The following SUCO variants were observed in gnomAD, a reference collection of about 807,000 sequenced individuals.
SUCO encodes the protein SUN domain containing ossification factor.
A neutral mutation model predicts 148.1 loss-of-function variants in SUCO; 57 were observed. The observed-to-expected ratio is 0.38, with a 90% CI of 0.31 to 0.48. The LOEUF (loss-of-function observed/expected upper bound fraction) is 0.48. Ranked by LOEUF, SUCO falls within the 20% of genes least tolerant of loss-of-function variation. SUCO has a pLI of 0.96. For synonymous variants in SUCO, 470 were observed against 502.7 expected, an observed-to-expected ratio of 0.93 and a Z score of 0.87; for missense variants, 1,331 against 1,468.2, an observed-to-expected ratio of 0.91 and a Z score of 1.53.
At chr1:172,589,964 C>G (rs974532588) in intron 18 of SUCO, 38 bp downstream of exon 18, 6 of 1,466,256 alleles carry the variant, frequency 4.1e-6, no homozygotes. Context: ...CAGCTTCACA[C>G]AGTGAGTTAA....
In SUCO at chr1:172,577,775, A is replaced by G. The variant is rs1231046025; in HGVS notation, c.1296A>G (p.Leu432=). The part of the protein sequence containing the change: ...MFIKYIKVEL[L]SHFGSEHFCP... ...CTTTTATTCTTTAGGTTGAGTTGCT[A>G]TCACATTTTGGATCAGAGCACTTTT... Residue 432 remains leucine (L), a synonymous_variant, in exon 13 of 24, where the codon CTA becomes CTG. Transcript: ENST00000263688. 7.4e-6 allele frequency: 12 copies of G among 1,611,932 alleles called. No homozygotes were observed. The South Asian group carries it at 7.7e-5, about 10-fold the overall frequency.
intron 4 of SUCO, chr1:172,556,468 A>T: frequency 7.1e-6 from 2 of 282,524 alleles, no homozygotes; most frequent in Non-Finnish European, 1.1e-5. Flanking sequence ...GTTTAGGTTT[A>T]AGTGATCCTT....
At chr1:172,582,242 A>G (rs1655928413) in intron 15 of SUCO, among the ~76,000 whole-genome samples, 1 of 152,142 alleles carries the variant, frequency 6.6e-6, no homozygotes, top group African/African-American at 2.4e-5. Context: ...TTTTTGTGGA[A>G]AAAAAGTAGA....
chr1:172,582,270 T>A (rs1655929274), intron 15 of SUCO, among the ~76,000 whole-genome samples: 1 of 152,184 alleles, frequency 6.6e-6, no homozygotes, highest in Non-Finnish European at 1.5e-5. Context: ...AGGACCATTT[T>A]CCTAGAAAAT....
At chr1:172,608,566 C>T in intron 22 of SUCO, 181 bp from the exon 23 acceptor site, 6 of 609,416 alleles carry the variant, frequency 9.8e-6, no homozygotes, top group Non-Finnish European at 1.5e-5. Context: ...TCCACCTTGC[C>T]TCTTTTTGCT....
At chr1:172,592,820 A>G (rs1362892410) in intron 19 of SUCO, among the ~76,000 whole-genome samples, 1 of 152,172 alleles carries the variant, frequency 6.6e-6, no homozygotes, top group Non-Finnish European at 1.5e-5. Flanking sequence ...AAAGAAAGTC[A>G]TTGGTGGCTT....
chr1:172,600,083 C>A lies in SUCO; in HGVS notation c.2933C>A (p.Ala978Asp). Residue 978 changes from alanine (A) to aspartate (D), a missense_variant, in exon 20 of 24, where the codon GCC (alanine) becomes GAC (aspartate). Physicochemically the swap from Ala to Asp is moderately radical, Grantham distance 126. Around this residue, in one of 3 missense-constraint regions of SUCO, gnomAD observed 334 missense variants for 352.3 expected, o/e 0.95. Transcript: ENST00000263688. The part of the protein sequence containing the change: ...AEEQDQRQTE[A>D]IQLLQAQLTN... ...TCATAGGATCAGCGGCAAACTGAAG[C>A]CATCCAGTTGCTACAGGCACAGCTG... is the stretch of plus-strand genomic sequence containing the variant. The A allele has an allele frequency of 6.2e-7, 1 of 1,604,006 alleles. No individual in the cohort carries two copies. Among genetic ancestry groups the A allele is most frequent in the Non-Finnish European group, 8.5e-7 (1 of 1,177,278 alleles).
rs1159948572 is a variant in SUCO at position 172,556,674 on chromosome 1, A to AG, written c.444-606_444-605insG. 6.1e-6 allele frequency: 6 copies of AG among 984,888 alleles called. No homozygotes were observed. The African/African-American group carries it at 1.0e-4, about 17-fold the overall frequency. 61.0% of individuals were successfully genotyped at this position (984,888 alleles called of 1,614,324 possible). ...CTGGGTTGAAGGAGTTGCACAAGAT[A>AG]TTATGGTTACCATTTAGAAGCTTGT... On this transcript the variant is annotated intron_variant, in intron 4 of 23. Transcript: ENST00000263688.
intron 10 of SUCO, 106 bp from the exon 11 acceptor site, chr1:172,575,412 C>G: frequency 1.5e-6 from 1 of 683,280 alleles, no homozygotes; most frequent in East Asian, 2.8e-5. Context: ...GTTAAGTCAG[C>G]GTGTTCACCT....
Position 172,570,033 on chromosome 1 carries a change from C to A in SUCO, c.857-14C>A. On this transcript the variant is annotated splice_polypyrimidine_tract_variant and intron_variant, in intron 7 of 23. Coordinates refer to ENST00000263688, the MANE Select transcript of SUCO (RefSeq NM_014283.5). ...ATATATATATAAATATTTATAATAA[C>A]GGTTTGTCTGCAGGTCAGTCGATGC... is the stretch of plus-strand genomic sequence containing the variant. 1 of 1,401,374 alleles carries A rather than the reference C, an allele frequency of 7.1e-7. No individual in the cohort carries two copies. The highest frequency in any genetic ancestry group is 9.3e-7 in the Non-Finnish European group (1 of 1,071,022). The allele number at this position is 1,401,374 out of a possible 1,614,324, so 86.8% of individuals were successfully genotyped here.
intron 19 of SUCO, 96 bp from the exon 20 acceptor site, chr1:172,599,968 A>G (rs189604390): frequency 3.6e-6 from 3 of 828,114 alleles, no homozygotes; most frequent in South Asian, 2.1e-5. Context: ...TTGTTTTGGA[A>G]TAACTTAATG....
Position 172,588,996 on chromosome 1 carries a change from A to G in SUCO, c.1895A>G (p.Tyr632Cys). Residue 632 changes from tyrosine (Y) to cysteine (C), a missense_variant, in exon 18 of 24, where the codon TAC (tyrosine) becomes TGC (cysteine). Physicochemically the swap from Tyr to Cys is radical, Grantham distance 194 (BLOSUM62 -2). Transcript: ENST00000263688. The stretch of plus-strand genomic sequence containing the variant: ...TGTTGTATTTCTAGTTTTTCAGAAT[A>G]CATATATAAATGGTGTTCAGTTAGA... ...TICCISSFSE[Y>C]IYKWCSVRVA... 6.2e-7 allele frequency: 1 copy of G among 1,612,070 alleles called. No individual in the cohort carries two copies. Among genetic ancestry groups the G allele is most frequent in the Non-Finnish European group, 8.5e-7 (1 of 1,179,102 alleles).
chr1:172,590,022 C>T (rs1043636034), intron 18 of SUCO, 96 bp downstream of exon 18: 1 of 1,066,162 alleles, frequency 9.4e-7, no homozygotes, highest in Non-Finnish European at 1.3e-6. Context: ...TTAATTATCT[C>T]ATGATATAAT....
At chr1:172,591,128 G>T in intron 19 of SUCO, 57 bp downstream of exon 19, 1 of 1,292,066 alleles carries the variant, frequency 7.7e-7, no homozygotes, top group South Asian at 1.3e-5. Context: ...AATTCTGTAG[G>T]GTCTCACTGG....
rs554508109 is a variant in SUCO at position 172,597,381 on chromosome 1, G to A, written c.2914-2683G>A. On this transcript the variant is annotated intron_variant, in intron 19 of 23. Coordinates refer to ENST00000263688, the MANE Select transcript of SUCO (RefSeq NM_014283.5). ...TGCGTCGCTGATGCTGGGGGCTGTA[G>A]ACTGGAGCTGTTCCTATTCGGCCAT... Among the ~76,000 whole-genome samples, 104 of 152,318 alleles carry A rather than the reference G, an allele frequency of 6.8e-4. 1 individual carries two copies. The highest frequency in any genetic ancestry group is 2.4e-3 in the African/African-American group (101 of 41,564).
chr1:172,556,589 G>A (rs1653777293), intron 4 of SUCO: 23 of 983,074 alleles, frequency 2.3e-5, no homozygotes, highest in African/African-American at 7.0e-5. Context: ...TTTATCAAAT[G>A]AGTTGACATA....
chr1:172,568,827 T>G (rs751629296), intron 6 of SUCO, among the ~76,000 whole-genome samples, 192 bp from the exon 7 acceptor site: 2 of 152,184 alleles, frequency 1.3e-5, no homozygotes, highest in Non-Finnish European at 2.9e-5. Context: ...AAAGAATGTT[T>G]AAATTATCTC....
intron 19 of SUCO, among the ~76,000 whole-genome samples, chr1:172,591,424 C>T (rs1656660488): frequency 2.0e-5 from 2 of 100,138 alleles, no homozygotes; most frequent in Non-Finnish European, 1.9e-5. Context: ...TGCTATCCCT[C>T]CCCCCTCCCC....
chr1:172,568,305 T>TGA, intron 6 of SUCO: 3 of 905,990 alleles, frequency 3.3e-6, no homozygotes, highest in Non-Finnish European at 4.0e-6. Flanking sequence ...ATTCTTTGCT[T>TGA]CCCACCCACC....
Sources: allele counts gnomAD v4.1 joint callset (sites outside exome capture counted in the v4.1 genomes callset), GRCh38; gene constraint gnomAD v4.1.1; regional missense constraint gnomAD v4.1.1; transcripts MANE v1.5; gene names NCBI Gene and HGNC (gene_info 2026-07-23, HGNC 2026-07-21).